The following NCOR1 variants were observed in gnomAD, a reference collection of about 807,000 sequenced individuals.
NCOR1 encodes protein phosphatase 1, regulatory subunit 109.
Under a neutral mutation model 288.1 loss-of-function variants are expected in NCOR1, and 63 were observed. That is an observed-to-expected ratio of 0.22 (90% CI 0.18 to 0.27). The LOEUF is 0.27. NCOR1 is among the 10% of genes least tolerant of loss of function. The pLI is 1.00. For synonymous variants in NCOR1, 1,007 were observed against 1,065.9 expected (o/e 0.94, Z 1.08); for missense variants, 2,397 against 3,019.2 (o/e 0.79, Z 4.83).
intron 42 of NCOR1, among the ~76,000 whole-genome samples, chr17:16,046,556 A>G (rs2058682809): frequency 6.6e-6 from 1 of 152,208 alleles, no homozygotes; most frequent in Non-Finnish European, 1.5e-5. Context: ...AACTGGGGAC[A>G]CTGATTGAGA....
At chr17:16,115,616 G>C (rs956047556) in intron 18 of NCOR1, among the ~76,000 whole-genome samples, 13 of 152,210 alleles carry the variant, frequency 8.5e-5, no homozygotes, top group African/African-American at 2.9e-4. Flanking sequence ...TCTAGGGCAG[G>C]GGCAAAATGC....
chr17:16,125,703 A>C (rs1298683910), intron 15 of NCOR1, among the ~76,000 whole-genome samples: 4 of 37,762 alleles, frequency 1.1e-4, no homozygotes, highest in Admixed American at 2.0e-4. Flanking sequence ...CGCCATCACA[A>C]AAAAAAAAAA....
chr17:16,188,322 A>G (rs2087203682), intron 2 of NCOR1, among the ~76,000 whole-genome samples: 1 of 152,154 alleles, frequency 6.6e-6, no homozygotes, highest in Admixed American at 6.5e-5. Context: ...CATTTAAAAA[A>G]CTTTTTCAGC....
chr17:16,092,650 TA>T (rs2065383230), intron 21 of NCOR1, among the ~76,000 whole-genome samples: 143 of 13,176 alleles, frequency 0.011, 8 homozygotes, highest in Admixed American at 0.026. Flanking sequence ...GATCCATTTA[TA>T]TATATATATA....
intron 14 of NCOR1, among the ~76,000 whole-genome samples, chr17:16,127,293 G>GTATGTATATATACATGTATA (rs1568195167): frequency 1.6e-5 from 1 of 61,464 alleles, no homozygotes; most frequent in East Asian, 3.8e-4. Context: ...GTGTATATAT[G>GTATGTATATATACATGTATA]TATGTATGTA....
chr17:16,158,259 C>G (rs1321073779), intron 6 of NCOR1, among the ~76,000 whole-genome samples: 1 of 152,208 alleles, frequency 6.6e-6, no homozygotes, highest in African/African-American at 2.4e-5. Flanking sequence ...TGGGCATGAG[C>G]CACCATGCCC....
chr17:16,061,823 G>T lies in NCOR1; in HGVS notation c.5459C>A (p.Ala1820Asp). Residue 1820 changes from alanine to aspartate, a missense_variant, in exon 37 of 46, where the codon GCC becomes GAC. Transcript: ENST00000268712. The stretch of plus-strand genomic sequence containing the variant: ...TGCAGCATCCACAAGAGCAGCCAGG[G>T]CATCCGCAGCAGTGTTGTAACGGGA... ...PASRYNTAAD[A>D]LAALVDAAAS... 6.2e-7 allele frequency: 1 copy of T among 1,614,200 alleles called. No homozygotes were observed. Among genetic ancestry groups the T allele is most frequent in the South Asian group, 1.1e-5 (1 of 91,086 alleles).
At chr17:16,083,158 G>A (rs768471420) in intron 23 of NCOR1, among the ~76,000 whole-genome samples, 2 of 151,760 alleles carry the variant, frequency 1.3e-5, no homozygotes, top group Admixed American at 6.6e-5. Flanking sequence ...GTTTGAAACT[G>A]GGAGGCGGAG....
At chr17:16,172,066 G>T in intron 3 of NCOR1, 71 bp from the exon 4 acceptor site, 1 of 1,245,842 alleles carries the variant, frequency 8.0e-7, no homozygotes, top group Non-Finnish European at 1.1e-6. Context: ...AACATCCCTG[G>T]TTAGACTTTG....
chr17:16,063,298 T>A (rs561059246), intron 35 of NCOR1, among the ~76,000 whole-genome samples: 2 of 152,180 alleles, frequency 1.3e-5, no homozygotes, highest in East Asian at 3.9e-4. Context: ...TCCTACTTCA[T>A]CCTCCTGAGT....
chr17:16,119,669 T>G (rs1026657970), intron 16 of NCOR1, among the ~76,000 whole-genome samples, 184 bp from the exon 17 acceptor site: 3 of 152,204 alleles, frequency 2.0e-5, no homozygotes, highest in African/African-American at 7.2e-5. Context: ...AAGTCAACAC[T>G]TCAATATTAT....
intron 1 of NCOR1, among the ~76,000 whole-genome samples, chr17:16,214,296 CAT>C: frequency 6.6e-6 from 1 of 152,208 alleles, no homozygotes; most frequent in African/African-American, 2.4e-5. Context: ...AGGACAATCA[CAT>C]GTGACCCAGC....
chr17:16,213,449 G>C (rs1215293344), intron 1 of NCOR1, among the ~76,000 whole-genome samples: 1 of 126,356 alleles, frequency 7.9e-6, no homozygotes, highest in Non-Finnish European at 1.6e-5. Context: ...CTGAGATTGC[G>C]CCACTGCACT....
chr17:16,109,057 G>T, intron 18 of NCOR1, 145 bp from the exon 19 acceptor site: 1 of 630,010 alleles, frequency 1.6e-6, no homozygotes, highest in Non-Finnish European at 2.4e-6. Flanking sequence ...TTAAAGTGCA[G>T]ATAAATACCT....
intron 7 of NCOR1, 60 bp from the exon 8 acceptor site, chr17:16,152,058 A>G: frequency 8.6e-7 from 1 of 1,161,964 alleles, no homozygotes; most frequent in Non-Finnish European, 1.2e-6. Flanking sequence ...TGAAGAGACA[A>G]AGAAACATAA....
intron 11 of NCOR1, among the ~76,000 whole-genome samples, chr17:16,143,178 T>C (rs146441810): frequency 5.3e-5 from 8 of 152,252 alleles, no homozygotes; most frequent in Admixed American, 1.3e-4. Context: ...ACATGCTCCT[T>C]TGCTACTTTA....
chr17:16,057,705 T>C lies in NCOR1; in HGVS notation c.6201A>G (p.Gln2067=). The change falls in exon 40 of 46, where the codon CAA becomes CAG. Residue 2067 remains glutamine, a synonymous_variant. Coordinates refer to ENST00000268712, the MANE Select transcript of NCOR1 (RefSeq NM_006311.4). ...QIITQDFARN[Q]VSSQTPQQPP... ...GCTGCTGGGGAGTCTGCGAGGAAAC[T>C]TGATTTCTAGCAAAATCTTGTGTGA... 1.2e-6 allele frequency: 2 copies of C among 1,614,076 alleles called. No individual in the cohort carries two copies. The highest frequency in any genetic ancestry group is 1.1e-5 in the South Asian group (1 of 91,070).
rs1972106218 is a variant in NCOR1 at position 16,032,056 on chromosome 17, C to T, written c.*240G>A. 6.4e-6 allele frequency: 3 copies of T among 465,118 alleles called. No individual in the cohort carries two copies. The highest frequency in any genetic ancestry group is 1.1e-5 in the Non-Finnish European group (3 of 265,576). 28.8% of individuals were successfully genotyped at this position (465,118 alleles called of 1,614,324 possible). On this transcript the variant is annotated 3_prime_UTR_variant, in exon 46 of 46. Transcript: ENST00000268712. ...CTTTTTAAAAACTCTACATCTCAAC[C>T]CTCCACTATTATTATAGTCCACTGA... is the stretch of plus-strand genomic sequence containing the variant.
chr17:16,108,968 A>G, intron 18 of NCOR1, 56 bp from the exon 19 acceptor site: 2 of 1,401,778 alleles, frequency 1.4e-6, no homozygotes, highest in East Asian at 2.4e-5. Flanking sequence ...AAAAAAATTC[A>G]TTTCTGAAAT....
Sources: gnomAD v4.1 joint callset for allele counts (sites outside exome capture counted in the v4.1 genomes callset) on GRCh38, gnomAD v4.1.1 for gene constraint, MANE v1.5 for transcripts, NCBI Gene and HGNC (gene_info 2026-07-23, HGNC 2026-07-21) for gene names.